FHIT: variants seen among roughly 807,000 people sequenced by gnomAD.
The protein encoded by FHIT is fragile histidine triad diadenosine triphosphatase.
In FHIT, 19 loss-of-function variants were observed where a neutral mutation model predicts 17.9. That is an observed-to-expected ratio of 1.06 (90% confidence interval 0.74 to 1.56). The LOEUF is 1.56. Ranked by LOEUF, FHIT falls within the 40% of genes most tolerant of loss-of-function variation. The pLI is 0.00. For missense variants in FHIT, 248 were observed against 189.2 expected, an observed-to-expected ratio of 1.31 and a Z score of -1.82; for synonymous variants, 81 against 69.7, an observed-to-expected ratio of 1.16 and a Z score of -0.81.
intron 7 of FHIT, among the ~76,000 whole-genome samples, chr3:59,982,757 T>TA (rs955407207): frequency 2.6e-5 from 4 of 152,004 alleles, no homozygotes; most frequent in African/African-American, 4.8e-5. Context: ...TACCAATAGA[T>TA]AAAAAAAGGG....
At chr3:60,074,106 G>A (rs1702901813) in intron 5 of FHIT, among the ~76,000 whole-genome samples, 1 of 151,984 alleles carries the variant, frequency 6.6e-6, no homozygotes, top group Non-Finnish European at 1.5e-5. Context: ...CTGGGTCTTG[G>A]AGGGTGACAG....
intron 4 of FHIT, among the ~76,000 whole-genome samples, chr3:60,735,491 T>A (rs914067298): frequency 3.3e-5 from 5 of 152,310 alleles, no homozygotes; most frequent in African/African-American, 1.2e-4. Flanking sequence ...ATTTGAGAAC[T>A]ACTGAAGGAA....
chr3:59,985,632 C>A (rs956320312), intron 7 of FHIT, among the ~76,000 whole-genome samples: 7 of 152,102 alleles, frequency 4.6e-5, no homozygotes, highest in Non-Finnish European at 1.0e-4. Context: ...TCCAGCTCCG[C>A]TTAGCTGTGA....
At chr3:60,086,258 A>C (rs745395672) in intron 5 of FHIT, among the ~76,000 whole-genome samples, 5 of 152,070 alleles carry the variant, frequency 3.3e-5, no homozygotes, top group Non-Finnish European at 7.4e-5. Context: ...TTCATGAAGG[A>C]TCTGCCCTCC....
chr3:61,042,642 CAGCCTGGCCAACA>C (rs1388660327), intron 2 of FHIT, among the ~76,000 whole-genome samples: 1 of 151,966 alleles, frequency 6.6e-6, no homozygotes, highest in East Asian at 1.9e-4. Flanking sequence ...CGTTCGAGAC[CAGCCTGGCCAACA>C]TGGTGAAACC....
At chr3:60,895,479 CA>C (rs1705743556) in intron 3 of FHIT, among the ~76,000 whole-genome samples, 2 of 152,142 alleles carry the variant, frequency 1.3e-5, no homozygotes, top group African/African-American at 4.8e-5. Context: ...TGCTAATCAA[CA>C]AGCTTTCACT....
chr3:59,861,607 T>C (rs1431882897), intron 8 of FHIT, among the ~76,000 whole-genome samples: 1 of 152,196 alleles, frequency 6.6e-6, no homozygotes, highest in Non-Finnish European at 1.5e-5. Context: ...GTCTCTGCAC[T>C]GAGGAGGAAC....
At chr3:60,547,479 C>T (rs1576853014) in intron 4 of FHIT, among the ~76,000 whole-genome samples, 3 of 152,224 alleles carry the variant, frequency 2.0e-5, no homozygotes. Flanking sequence ...ACATTTCTAG[C>T]CGATTACTTT....
intron 3 of FHIT, among the ~76,000 whole-genome samples, chr3:60,877,690 T>C (rs1161942743): frequency 6.6e-6 from 1 of 152,072 alleles, no homozygotes; most frequent in Non-Finnish European, 1.5e-5. Flanking sequence ...GCTGAGCTGA[T>C]GTAGTATCTT....
chr3:60,929,449 G>A (rs977922005), intron 3 of FHIT, among the ~76,000 whole-genome samples: 18 of 152,120 alleles, frequency 1.2e-4, no homozygotes, highest in African/African-American at 4.1e-4. Flanking sequence ...ACATGATTGT[G>A]TATCTAGAAA....
chr3:60,776,964 A>G (rs1352974230), intron 4 of FHIT, among the ~76,000 whole-genome samples: 2 of 152,222 alleles, frequency 1.3e-5, no homozygotes, highest in African/African-American at 2.4e-5. Context: ...AGGGTATTAT[A>G]TGGTTTTTCT....
At chr3:60,502,125 T>G (rs543133152) in intron 5 of FHIT, among the ~76,000 whole-genome samples, 1 of 152,206 alleles carries the variant, frequency 6.6e-6, no homozygotes, top group African/African-American at 2.4e-5. Context: ...CAAAAAGTGA[T>G]AGTAGTTATC....
At chr3:60,881,149 C>T (rs370681437) in intron 3 of FHIT, among the ~76,000 whole-genome samples, 1 of 152,148 alleles carries the variant, frequency 6.6e-6, no homozygotes, top group East Asian at 1.9e-4. Flanking sequence ...AGTAGCTTTA[C>T]TTGTATCAGA....
At chr3:60,025,812 A>T (rs560273279) in intron 5 of FHIT, among the ~76,000 whole-genome samples, 28 of 152,274 alleles carry the variant, frequency 1.8e-4, no homozygotes, top group African/African-American at 6.5e-4. Context: ...GAAGCAAAAG[A>T]CATTTTAATG....
intron 3 of FHIT, among the ~76,000 whole-genome samples, chr3:60,896,781 C>T (rs1553762060): frequency 6.6e-6 from 1 of 152,102 alleles, no homozygotes; most frequent in Admixed American, 6.5e-5. Flanking sequence ...TTACTCTGTA[C>T]TCAATTTCCC....
intron 5 of FHIT, among the ~76,000 whole-genome samples, chr3:60,216,958 C>T (rs1012726152): frequency 6.6e-6 from 1 of 152,084 alleles, no homozygotes; most frequent in Non-Finnish European, 1.5e-5. Context: ...GGACAGATTC[C>T]ATTTTATCCA....
chr3:60,340,930 T>A (rs1710484664), intron 5 of FHIT, among the ~76,000 whole-genome samples: 1 of 152,162 alleles, frequency 6.6e-6, no homozygotes, highest in African/African-American at 2.4e-5. Flanking sequence ...GACCTTGTGA[T>A]GCGCCCATCT....
chr3:60,592,107 A>G (rs1002679995), intron 4 of FHIT, among the ~76,000 whole-genome samples: 14 of 151,074 alleles, frequency 9.3e-5, no homozygotes, highest in Non-Finnish European at 2.9e-5. Context: ...ATTAGAAGCT[A>G]TATGTATTCT....
At position 61,189,096 on chromosome 3, in the gene FHIT, G is replaced by C. The variant is rs147023867; in HGVS notation, c.-164+11521C>G. 4.6e-5 allele frequency among the ~76,000 whole-genome samples: 7 copies of C among 152,300 alleles called. 1 individual carries two copies. The South Asian group carries it at 8.3e-4, about 18-fold the overall frequency. ...ATTTCTGGCCAGGGCGATCAGGCAG[G>C]AGAAGGAAATAAAGGGTATTGAATT... On this transcript the variant is annotated intron_variant, in intron 2 of 9. Coordinates refer to ENST00000492590, the MANE Select transcript of FHIT (RefSeq NM_002012.4).
Sources: gnomAD v4.1 joint callset for allele counts (sites outside exome capture counted in the v4.1 genomes callset) on GRCh38, gnomAD v4.1.1 for gene constraint, MANE v1.5 for transcripts, NCBI Gene and HGNC (gene_info 2026-07-23, HGNC 2026-07-21) for gene names.